Variants in CSMD1 observed in about 807,000 individuals in gnomAD.
CSMD1 encodes CUB and Sushi multiple domains 1, also known as CUB and sushi domain-containing protein 1.
Under a neutral mutation model 417.5 loss-of-function variants are expected in CSMD1, and 213 were observed. That is an observed-to-expected ratio of 0.51 (90% CI 0.46 to 0.57). The LOEUF (loss-of-function observed/expected upper bound fraction) is 0.57, where lower values mean the gene tolerates loss of function less well. Ranked by LOEUF, CSMD1 falls within the 20% of genes least tolerant of loss-of-function variation. CSMD1 has a pLI of 0.00. For synonymous variants in CSMD1, 2,862 were observed against 1,736.8 expected (o/e 1.65, Z -16.11); for missense variants, 6,923 against 4,529.7 (o/e 1.53, Z -15.17).
intron 18 of CSMD1, among the ~76,000 whole-genome samples, chr8:3,369,887 T>C (rs539628894): frequency 6.6e-6 from 1 of 152,350 alleles, no homozygotes; most frequent in South Asian, 2.1e-4. Flanking sequence ...TGAGTTCAAA[T>C]GCCAGCTCAG....
intron 1 of CSMD1, among the ~76,000 whole-genome samples, chr8:4,944,998 A>C (rs1335451495): frequency 6.6e-6 from 1 of 152,232 alleles, no homozygotes; most frequent in Non-Finnish European, 1.5e-5. Flanking sequence ...AGGTGGAACC[A>C]ACCCGTGTCC....
chr8:4,718,821 G>C (rs1035944839), intron 1 of CSMD1, among the ~76,000 whole-genome samples: 1 of 151,720 alleles, frequency 6.6e-6, no homozygotes, highest in African/African-American at 2.4e-5. Flanking sequence ...AAATATTCAA[G>C]ACCAAATTTT....
At chr8:3,321,398 C>G (rs1053312146) in intron 23 of CSMD1, among the ~76,000 whole-genome samples, 6 of 152,302 alleles carry the variant, frequency 3.9e-5, no homozygotes, top group African/African-American at 1.4e-4. Context: ...ACGGCTGCAG[C>G]TGTCCTACCC....
At chr8:4,403,567 G>A (rs973262745) in intron 3 of CSMD1, among the ~76,000 whole-genome samples, 1 of 152,100 alleles carries the variant, frequency 6.6e-6, no homozygotes, top group African/African-American at 2.4e-5. Flanking sequence ...TTCCTGAAAG[G>A]CTTGAGTTGA....
chr8:4,039,984 C>T lies in CSMD1; in HGVS notation c.416-7885G>A, dbSNP rs1797804023. On this transcript the variant is annotated intron_variant, in intron 3 of 69. Transcript: ENST00000635120. ...AAAAGATATCACAAATCAGGGCACT[C>T]GGTACAGGTTAAGTGCCCCATACAT... is the stretch of plus-strand genomic sequence containing the variant. Among the ~76,000 whole-genome samples, 7 of 152,268 alleles carry T rather than the reference C, an allele frequency of 4.6e-5. No homozygotes were observed. In the East Asian group the frequency reaches 9.6e-4, roughly 21 times the overall value.
chr8:3,727,984 G>T (rs1295301913), intron 6 of CSMD1, among the ~76,000 whole-genome samples: 1 of 152,138 alleles, frequency 6.6e-6, no homozygotes, highest in East Asian at 1.9e-4. Context: ...TTTCAGTTTT[G>T]GAAATGCATG....
At chr8:4,924,419 T>C (rs1262485286) in intron 1 of CSMD1, among the ~76,000 whole-genome samples, 1 of 152,146 alleles carries the variant, frequency 6.6e-6, no homozygotes, top group African/African-American at 2.4e-5. Context: ...GATGTAATAG[T>C]AAACATAAGT....
At chr8:4,461,950 C>T (rs1456096448) in intron 2 of CSMD1, among the ~76,000 whole-genome samples, 1 of 151,938 alleles carries the variant, frequency 6.6e-6, no homozygotes, top group Non-Finnish European at 1.5e-5. Flanking sequence ...ATCATGTTAG[C>T]CAGGATGGGC....
Position 4,479,331 on chromosome 8 carries a change from C to G in CSMD1, c.303-59266G>C, listed in dbSNP as rs73514656. On this transcript the variant is annotated intron_variant, in intron 2 of 69. Coordinates refer to ENST00000635120, the MANE Select transcript of CSMD1 (RefSeq NM_033225.6). Reference sequence around the variant, plus strand: ...GTAAGTATGAAAAAGGAATTTTATACAGTTGAACAGCTGCACTTTACCACA... The same window carrying G: ...GTAAGTATGAAAAAGGAATTTTATAGAGTTGAACAGCTGCACTTTACCACA... Among the ~76,000 whole-genome samples, 1,075 of 152,184 alleles carry G rather than the reference C, an allele frequency of 7.1e-3. 10 individuals are homozygous for G. Among genetic ancestry groups the G allele is most frequent in the African/African-American group, 0.024 (1,013 of 41,524 alleles).
At chr8:4,385,656 C>T (rs1803399571) in intron 3 of CSMD1, among the ~76,000 whole-genome samples, 2 of 152,048 alleles carry the variant, frequency 1.3e-5, no homozygotes, top group Non-Finnish European at 1.5e-5. Flanking sequence ...TGGCATCATC[C>T]TGTAGGCATT....
intron 7 of CSMD1, among the ~76,000 whole-genome samples, chr8:3,655,243 T>C (rs547553683): frequency 1.5e-4 from 23 of 152,298 alleles, no homozygotes; most frequent in Admixed American, 1.5e-3. Context: ...TTTTGGTTAC[T>C]ACAAAACAAG....
chr8:4,894,984 A>C lies in CSMD1; in HGVS notation c.85+99348T>G, dbSNP rs547516689. Among the ~76,000 whole-genome samples the C allele has an allele frequency of 8.5e-5, 13 of 152,298 alleles. No individual in the cohort carries two copies. In the South Asian group the frequency reaches 2.7e-3, roughly 32 times the overall value. ...TCAGGGCTCAGCTTCCACTTTTCTG[A>C]TCTACTGCCTTCGGCAAGTAACTTC... On this transcript the variant is annotated intron_variant, in intron 1 of 69. Transcript: ENST00000635120.
intron 4 of CSMD1, among the ~76,000 whole-genome samples, chr8:4,001,496 T>G (rs186900831): frequency 6.6e-6 from 1 of 152,292 alleles, no homozygotes; most frequent in Non-Finnish European, 1.5e-5. Context: ...GACAGAACTG[T>G]GCTGGTGCCC....
At chr8:4,685,594 A>G (rs894831971) in intron 1 of CSMD1, among the ~76,000 whole-genome samples, 2 of 152,086 alleles carry the variant, frequency 1.3e-5, no homozygotes, top group Non-Finnish European at 2.9e-5. Context: ...AAAAAGAAAG[A>G]AAGAAAGAAA....
chr8:4,107,098 G>C (rs184248051), intron 3 of CSMD1, among the ~76,000 whole-genome samples: 17 of 152,122 alleles, frequency 1.1e-4, no homozygotes, highest in African/African-American at 3.9e-4. Flanking sequence ...AGGTGATAAT[G>C]ACGACAGAAA....
chr8:3,433,822 CT>C (rs1461022485), intron 12 of CSMD1, among the ~76,000 whole-genome samples: 1 of 152,210 alleles, frequency 6.6e-6, no homozygotes, highest in East Asian at 1.9e-4. Flanking sequence ...GAAAAACGGG[CT>C]CCCGTGGCAG....
At chr8:4,481,999 T>C (rs1725123) in intron 2 of CSMD1, among the ~76,000 whole-genome samples, 2 of 152,300 alleles carry the variant, frequency 1.3e-5, no homozygotes, top group Admixed American at 1.3e-4. Context: ...TCAGTACAAG[T>C]CTTTCCAGAG....
intron 7 of CSMD1, among the ~76,000 whole-genome samples, chr8:3,684,392 A>G (rs375269225): frequency 6.7e-6 from 1 of 148,370 alleles, no homozygotes; most frequent in South Asian, 2.1e-4. Context: ...TGTATAACAT[A>G]TAAGTACATA....
chr8:4,440,252 T>C (rs1393788090), intron 2 of CSMD1, among the ~76,000 whole-genome samples: 9 of 152,198 alleles, frequency 5.9e-5, no homozygotes, highest in Admixed American at 5.9e-4. Flanking sequence ...CTATACATAT[T>C]GTATATATTT....
Sources: allele counts gnomAD v4.1 joint callset (sites outside exome capture counted in the v4.1 genomes callset), GRCh38; gene constraint gnomAD v4.1.1; transcripts MANE v1.5; gene names NCBI Gene and HGNC (gene_info 2026-07-23, HGNC 2026-07-21).